The following DLEC1 variants were observed in gnomAD, a reference collection of about 807,000 sequenced individuals.
The protein encoded by DLEC1 is deleted in lung and esophageal cancer protein 1.
DLEC1 carries 146 observed loss-of-function variants against 198.1 expected under a neutral mutation model. The observed-to-expected ratio is 0.74, with a 90% confidence interval of 0.64 to 0.85. DLEC1 has a LOEUF of 0.85. DLEC1 is among the 40% of genes least tolerant of loss of function. The pLI is 0.00. For missense variants in DLEC1, 2,233 were observed against 2,220.0 expected (o/e 1.01, Z -0.12); for synonymous variants, 897 against 866.8 (o/e 1.03, Z -0.61).
intron 13 of DLEC1, chr3:38,095,664 C>G: frequency 1.8e-6 from 1 of 552,424 alleles, no homozygotes; most frequent in Non-Finnish European, 3.2e-6. Flanking sequence ...TTCTTGCACC[C>G]AGGCCCAGCT....
At chr3:38,106,411 G>A (rs1234847262) in intron 19 of DLEC1, among the ~76,000 whole-genome samples, 1 of 152,152 alleles carries the variant, frequency 6.6e-6, no homozygotes, top group Non-Finnish European at 1.5e-5. Context: ...AGATGAAGAT[G>A]TTATAAACAC....
intron 6 of DLEC1, among the ~76,000 whole-genome samples, chr3:38,075,365 G>A (rs1235835429): frequency 6.6e-6 from 1 of 152,148 alleles, no homozygotes; most frequent in African/African-American, 2.4e-5. Flanking sequence ...GCCATTTAGA[G>A]CCATTGTCAA....
At chr3:38,082,205 G>A (rs372500790) in intron 6 of DLEC1, among the ~76,000 whole-genome samples, 19 of 140,686 alleles carry the variant, frequency 1.4e-4, no homozygotes, top group Non-Finnish European at 2.5e-4. Flanking sequence ...ATGGGCGGCC[G>A]GGCAGAGACG....
At chr3:38,104,863 A>G (rs539805542) in intron 19 of DLEC1, among the ~76,000 whole-genome samples, 52 of 152,022 alleles carry the variant, frequency 3.4e-4, no homozygotes, top group African/African-American at 1.3e-3. Context: ...TTCTCTTTCT[A>G]GTTTCTTAAG....
chr3:38,072,475 C>A (rs1341588840), intron 6 of DLEC1, among the ~76,000 whole-genome samples: 5 of 152,174 alleles, frequency 3.3e-5, no homozygotes, highest in African/African-American at 1.2e-4. Flanking sequence ...ATTCTGACTG[C>A]ACAGCCCTGC....
chr3:38,082,475 C>A (rs2125663407), intron 6 of DLEC1, among the ~76,000 whole-genome samples: 1 of 152,214 alleles, frequency 6.6e-6, no homozygotes, highest in African/African-American at 2.4e-5. Flanking sequence ...CCCCGCGGGG[C>A]CCGTCCCGGT....
intron 2 of DLEC1, among the ~76,000 whole-genome samples, chr3:38,053,567 C>T (rs1373082303): frequency 3.2e-4 from 21 of 64,728 alleles, no homozygotes; most frequent in Admixed American, 7.9e-4. Flanking sequence ...CTGCCCCGTC[C>T]GGGAGGTGGG....
chr3:38,115,524 G>A (rs1700107661), intron 27 of DLEC1, among the ~76,000 whole-genome samples: 1 of 152,082 alleles, frequency 6.6e-6, no homozygotes, highest in Non-Finnish European at 1.5e-5. Flanking sequence ...AGGGTAAGCC[G>A]ATGTGGGCCA....
In DLEC1 at chr3:38,117,964, TGAG is replaced by T. The variant is rs752447492; in HGVS notation, c.4651_4653del (p.Glu1551del). The T allele has an allele frequency of 8.1e-6, 13 of 1,613,790 alleles. No individual in the cohort carries two copies. The highest frequency in any genetic ancestry group is 1.3e-5 in the African/African-American group (1 of 74,950). ...CTGGCCCTGGCCAGAAGCAGGAGTGTGAGGAGGAGACAGCCTCAGCGGACAAGC... is the reference window on the plus strand; with the variant it reads ...CTGGCCCTGGCCAGAAGCAGGAGTGTGAGGAGACAGCCTCAGCGGACAAGC... On this transcript the variant is annotated inframe_deletion, in exon 33 of 37. Coordinates refer to ENST00000308059, the MANE Select transcript of DLEC1 (RefSeq NM_007335.4).
At chr3:38,107,366 G>A (rs1005169446) in intron 19 of DLEC1, among the ~76,000 whole-genome samples, 3 of 151,970 alleles carry the variant, frequency 2.0e-5, no homozygotes, top group Non-Finnish European at 4.4e-5. Context: ...TTTAAATTTC[G>A]ATTTCCACAT....
intron 9 of DLEC1, 97 bp from the exon 10 acceptor site, chr3:38,088,199 C>T: frequency 1.8e-6 from 2 of 1,092,988 alleles, no homozygotes; most frequent in Non-Finnish European, 2.7e-6. Flanking sequence ...AGTTCCTTCA[C>T]ATTGCAAAAT....
At chr3:38,073,502 A>G (rs1368359548) in intron 6 of DLEC1, among the ~76,000 whole-genome samples, 2 of 152,088 alleles carry the variant, frequency 1.3e-5, no homozygotes, top group Non-Finnish European at 2.9e-5. Flanking sequence ...GATGTCTTAT[A>G]CTTGTGGGTT....
Position 38,122,654 on chromosome 3 carries a change from A to T in DLEC1, c.*242A>T. On this transcript the variant is annotated 3_prime_UTR_variant, in exon 37 of 37. Transcript: ENST00000308059. ...GACCACCACATTGAGATCACTACTC[A>T]GTGCATAGCGAAGACCAGTATGGCA... 1 of 1,470,034 alleles carries T rather than the reference A, an allele frequency of 6.8e-7. No individual in the cohort carries two copies. Among genetic ancestry groups the T allele is most frequent in the South Asian group, 1.4e-5 (1 of 72,788 alleles). 91.1% of individuals were successfully genotyped at this position (1,470,034 alleles called of 1,614,324 possible). A position where few individuals can be genotyped will look rare whatever the true frequency, so the allele number is the denominator to read the frequency against.
intron 25 of DLEC1, among the ~76,000 whole-genome samples, chr3:38,113,314 A>G (rs1699983854): frequency 6.6e-6 from 1 of 152,228 alleles, no homozygotes; most frequent in South Asian, 2.1e-4. Context: ...AGAGGAGTGG[A>G]TACAGACATT....
At chr3:38,119,736 A>T (rs902856681) in intron 33 of DLEC1, among the ~76,000 whole-genome samples, 4 of 151,894 alleles carry the variant, frequency 2.6e-5, no homozygotes, top group African/African-American at 9.7e-5. Flanking sequence ...GTCTCATTAT[A>T]TTGCCCAGGC....
intron 19 of DLEC1, 22 bp from the exon 20 acceptor site, chr3:38,107,562 C>A: frequency 6.4e-7 from 1 of 1,571,506 alleles, no homozygotes; most frequent in Admixed American, 1.9e-5. Flanking sequence ...ATCAGTATGC[C>A]TTTTGTTTCC....
intron 6 of DLEC1, among the ~76,000 whole-genome samples, chr3:38,075,352 C>G (rs1697552589): frequency 6.6e-6 from 1 of 152,152 alleles, no homozygotes; most frequent in South Asian, 2.1e-4. Context: ...GTGCCATTTT[C>G]TGGCCATTTA....
chr3:38,046,022 A>G (rs1700871024), intron 2 of DLEC1, among the ~76,000 whole-genome samples: 1 of 152,232 alleles, frequency 6.6e-6, no homozygotes, highest in Admixed American at 6.5e-5. Flanking sequence ...AATGATGGAC[A>G]CTGCAATGGG....
At chr3:38,047,734 A>C (rs1440289991) in intron 2 of DLEC1, among the ~76,000 whole-genome samples, 1 of 152,114 alleles carries the variant, frequency 6.6e-6, no homozygotes, top group Non-Finnish European at 1.5e-5. Flanking sequence ...CTCAGGAGGT[A>C]CATGATATGT....
Sources: allele counts gnomAD v4.1 joint callset (sites outside exome capture counted in the v4.1 genomes callset), GRCh38; gene constraint gnomAD v4.1.1; transcripts MANE v1.5; gene names NCBI Gene and HGNC (gene_info 2026-07-23, HGNC 2026-07-21).